TBC1D19: variants seen among roughly 807,000 people sequenced by gnomAD.
TBC1D19 encodes the protein TBC1 domain family, member 19.
TBC1D19 carries 60 observed loss-of-function variants against 89.0 expected under a neutral mutation model. The ratio of observed to expected loss-of-function variants is 0.67; its 90% CI spans 0.55 to 0.84. The LOEUF (loss-of-function observed/expected upper bound fraction) is 0.84, where lower values mean the gene tolerates loss of function less well. Among genes scored for constraint, TBC1D19 ranks in the 40% least tolerant of loss-of-function variants. TBC1D19 has a pLI of 0.00. For synonymous variants in TBC1D19, 189 were observed against 199.7 expected, an observed-to-expected ratio of 0.95 and a Z score of 0.45; for missense variants, 500 against 610.8, an observed-to-expected ratio of 0.82 and a Z score of 1.91.
At chr4:26,833,170 C>G in the TBC1D19 span, among the ~76,000 whole-genome samples, 4 of 152,022 alleles carry the variant, frequency 2.6e-5, no homozygotes, top group Non-Finnish European at 5.9e-5. Flanking sequence ...CTTTACATTG[C>G]CAGGTAACAG....
At chr4:26,655,463 C>T (rs544988696) in intron 7 of TBC1D19, among the ~76,000 whole-genome samples, 45 of 152,310 alleles carry the variant, frequency 3.0e-4, no homozygotes, top group African/African-American at 1.1e-3. Context: ...ATGCCCTGCC[C>T]GCAGAGGTGG....
At chr4:26,726,596 A>G (rs1717334664) in intron 15 of TBC1D19, among the ~76,000 whole-genome samples, 2 of 152,246 alleles carry the variant, frequency 1.3e-5, no homozygotes, top group South Asian at 4.1e-4. Context: ...TAATGGAAAT[A>G]ACTAGAAAAC....
At chr4:26,754,828 A>G in intron 20 of TBC1D19, 45 bp from the exon 21 acceptor site, 1 of 1,462,572 alleles carries the variant, frequency 6.8e-7, no homozygotes, top group East Asian at 2.4e-5. Flanking sequence ...CTTATTTCAT[A>G]GACTTCGCTT....
intron 1 of TBC1D19, among the ~76,000 whole-genome samples, chr4:26,592,660 G>T (rs1270461376): frequency 6.6e-6 from 1 of 151,640 alleles, no homozygotes; most frequent in Non-Finnish European, 1.5e-5. Flanking sequence ...CAAAATCAAT[G>T]TACAAAAATC....
intron 15 of TBC1D19, among the ~76,000 whole-genome samples, chr4:26,733,117 C>T (rs1238148177): frequency 6.6e-6 from 1 of 152,184 alleles, no homozygotes; most frequent in Non-Finnish European, 1.5e-5. Flanking sequence ...AGAATTTTCA[C>T]TTGTGAGCTT....
intron 11 of TBC1D19, among the ~76,000 whole-genome samples, chr4:26,677,019 C>G (rs1037113515): frequency 5.3e-5 from 8 of 152,174 alleles, no homozygotes; most frequent in Admixed American, 4.6e-4. Context: ...GCTTAGTGAA[C>G]CTAAGCACTC....
At chr4:26,709,043 C>T (rs1715957181) in intron 13 of TBC1D19, among the ~76,000 whole-genome samples, 1 of 149,810 alleles carries the variant, frequency 6.7e-6, no homozygotes, top group African/African-American at 2.5e-5. Context: ...TATTTGTGAT[C>T]TTGTTGTTGT....
rs187863150 is a variant in TBC1D19, at chr4:26,717,729, G to A, written c.955-204G>A. Among the ~76,000 whole-genome samples, 5 of 152,162 alleles carry A rather than the reference G, an allele frequency of 3.3e-5. No homozygotes were observed. The East Asian group carries it at 9.7e-4, about 30-fold the overall frequency. The stretch of plus-strand genomic sequence containing the variant: ...CAGTTTGCATTTTCTGCTCTTCAAA[G>A]TTGAGGTAGCAAATGGTGAGAACTC... On this transcript the variant is annotated intron_variant, in intron 13 of 20. Transcript: ENST00000264866.
intron 12 of TBC1D19, among the ~76,000 whole-genome samples, chr4:26,684,009 T>C (rs548933252): frequency 2.0e-5 from 3 of 152,318 alleles, no homozygotes; most frequent in Non-Finnish European, 4.4e-5. Flanking sequence ...GCATTTCTTA[T>C]ATCTCTAAAT....
At chr4:26,708,658 A>AT (rs888170919) in intron 13 of TBC1D19, among the ~76,000 whole-genome samples, 15 of 151,572 alleles carry the variant, frequency 9.9e-5, no homozygotes, top group Admixed American at 4.0e-4. Flanking sequence ...GTTAACTTCA[A>AT]TTTTTTTTCC....
intron 7 of TBC1D19, among the ~76,000 whole-genome samples, chr4:26,654,130 C>T (rs187656672): frequency 1.2e-4 from 19 of 152,256 alleles, no homozygotes; most frequent in Admixed American, 1.3e-4. Flanking sequence ...CCTTCACTTA[C>T]AAAGCTTAGT....
At chr4:26,652,804 T>G (rs1180270805) in intron 7 of TBC1D19, among the ~76,000 whole-genome samples, 1 of 152,180 alleles carries the variant, frequency 6.6e-6, no homozygotes, top group Non-Finnish European at 1.5e-5. Flanking sequence ...TTTGTTGATC[T>G]TTTCAAAAAA....
intron 1 of TBC1D19, among the ~76,000 whole-genome samples, chr4:26,593,343 A>G (rs1463856661): frequency 6.6e-6 from 1 of 152,246 alleles, no homozygotes; most frequent in African/African-American, 2.4e-5. Context: ...TTAATTCAAG[A>G]TGGATTAAAG....
chr4:26,657,185 A>G (rs1184458673), intron 7 of TBC1D19, among the ~76,000 whole-genome samples: 1 of 151,644 alleles, frequency 6.6e-6, no homozygotes, highest in Admixed American at 6.6e-5. Context: ...TGCTGCACCC[A>G]TCAACCTGTC....
the TBC1D19 span, among the ~76,000 whole-genome samples, chr4:26,779,497 A>G: frequency 1.3e-5 from 2 of 152,132 alleles, no homozygotes; most frequent in South Asian, 2.1e-4. Flanking sequence ...TGCCTTCACC[A>G]TCTGTCTACC....
At chr4:26,723,973 A>T (rs553665351) in intron 15 of TBC1D19, among the ~76,000 whole-genome samples, 2 of 152,330 alleles carry the variant, frequency 1.3e-5, no homozygotes, top group South Asian at 4.1e-4. Context: ...GGATGGGCAT[A>T]GCCATTTTAG....
chr4:26,744,853 T>A lies in TBC1D19; in HGVS notation c.1319+2254T>A, dbSNP rs558213686. 1.6e-4 allele frequency among the ~76,000 whole-genome samples: 24 copies of A among 152,298 alleles called. No homozygotes were observed. The South Asian group carries it at 4.8e-3, about 30-fold the overall frequency. On this transcript the variant is annotated intron_variant, in intron 18 of 20. Transcript: ENST00000264866. ...TGTATTCTGCAAGTATCGGGCAGAATGTCATATAAATGTCAAGGAATCAAG... is the reference window on the plus strand; with the variant it reads ...TGTATTCTGCAAGTATCGGGCAGAAAGTCATATAAATGTCAAGGAATCAAG...
At chr4:26,671,794 T>C (rs1197690444) in intron 9 of TBC1D19, among the ~76,000 whole-genome samples, 3 of 151,882 alleles carry the variant, frequency 2.0e-5, no homozygotes, top group Non-Finnish European at 4.4e-5. Context: ...TTTTGTATTA[T>C]GAGAAGATGT....
intron 7 of TBC1D19, among the ~76,000 whole-genome samples, chr4:26,644,438 T>C (rs1743772979): frequency 6.6e-6 from 1 of 152,180 alleles, no homozygotes; most frequent in Non-Finnish European, 1.5e-5. Flanking sequence ...TAATAAGAGC[T>C]ATTTATGACA....
Sources: gnomAD v4.1 joint callset for allele counts (sites outside exome capture counted in the v4.1 genomes callset) on GRCh38, gnomAD v4.1.1 for gene constraint, MANE v1.5 for transcripts, NCBI Gene and HGNC (gene_info 2026-07-23, HGNC 2026-07-21) for gene names.